RIN3: variants seen among roughly 807,000 people sequenced by gnomAD.
RIN3 encodes the protein RAB5 interacting protein 3.
A neutral mutation model predicts 76.3 loss-of-function variants in RIN3; 54 were observed. That is an observed-to-expected ratio of 0.71 (90% CI 0.57 to 0.89). RIN3 has a LOEUF of 0.89. Among genes scored for constraint, RIN3 ranks in the 40% least tolerant of loss-of-function variants. The probability of loss-of-function intolerance (pLI) is 0.00; values close to 1 mark genes in which losing one functional copy is unlikely to be tolerated. For missense variants in RIN3, 1,256 were observed against 1,322.1 expected (o/e 0.95, Z 0.78); for synonymous variants, 576 against 564.0 (o/e 1.02, Z -0.30).
rs769936500 is a variant in RIN3, at chr14:92,641,329, G to C, written c.532G>C (p.Gly178Arg). Reference sequence around the variant, plus strand: ...TGAGACCATCGCCAACCTGGGTCTGGGTGAGTCTTCTCCGAGGGGTTAGGG... The same window carrying C: ...TGAGACCATCGCCAACCTGGGTCTGCGTGAGTCTTCTCCGAGGGGTTAGGG... Reference protein sequence around the residue: ...DLETIANLGLGFWDSSLNPPQ... With the variant: ...DLETIANLGLRFWDSSLNPPQ... Residue 178 changes from glycine to arginine, a missense_variant and splice_region_variant, in exon 5 of 10, where the codon GGT (glycine) becomes CGT (arginine). Physicochemically the swap from Gly to Arg is moderately radical, Grantham distance 125. Coordinates refer to ENST00000216487, the MANE Select transcript of RIN3 (RefSeq NM_024832.5). The C allele has an allele frequency of 5.6e-6, 9 of 1,612,658 alleles. No homozygotes were observed. Among genetic ancestry groups the C allele is most frequent in the Non-Finnish European group, 7.6e-6 (9 of 1,178,646 alleles).
At chr14:92,669,369 TC>T (rs1319078610) in intron 7 of RIN3, among the ~76,000 whole-genome samples, 2 of 152,066 alleles carry the variant, frequency 1.3e-5, no homozygotes, top group Non-Finnish European at 2.9e-5. Flanking sequence ...GACTGGGTGG[TC>T]AGGGAAGGCC....
intron 6 of RIN3, among the ~76,000 whole-genome samples, chr14:92,654,090 G>C (rs1036213711): frequency 6.6e-6 from 1 of 152,072 alleles, no homozygotes; most frequent in East Asian, 1.9e-4. Context: ...GAGGTGGGGG[G>C]ATCACTTGAG....
At chr14:92,545,582 CTTTTT>C (rs11324822) in intron 1 of RIN3, among the ~76,000 whole-genome samples, 1 of 114,710 alleles carries the variant, frequency 8.7e-6, no homozygotes, top group Non-Finnish European at 1.8e-5. Flanking sequence ...TTTTCTTTTT[CTTTTT>C]TTTTTTTTTT....
chr14:92,604,601 C>T lies in RIN3; in HGVS notation c.368-10806C>T, dbSNP rs79113623. ...GGTGTCCAAGCCTTCCTTGTGTCCCCGATAACAATTTCCTCCTGGGGCAAT... is the reference window on the plus strand; with the variant it reads ...GGTGTCCAAGCCTTCCTTGTGTCCCTGATAACAATTTCCTCCTGGGGCAAT... On this transcript the variant is annotated intron_variant, in intron 3 of 9. Coordinates refer to ENST00000216487, the MANE Select transcript of RIN3 (RefSeq NM_024832.5). Among the ~76,000 whole-genome samples, 2,229 of 152,152 alleles carry T rather than the reference C, an allele frequency of 0.015. 155 individuals carry two copies. In the East Asian group the frequency reaches 0.19, roughly 13 times the overall value.
chr14:92,605,012 T>C (rs9671272), intron 3 of RIN3, among the ~76,000 whole-genome samples: 74,792 of 144,948 alleles, frequency 0.52, 19,741 homozygotes, highest in Admixed American at 0.63. Context: ...TAGGCTCAAA[T>C]GATCCTCCTG....
chr14:92,611,395 C>A (rs1012306730), intron 3 of RIN3, among the ~76,000 whole-genome samples: 7 of 152,264 alleles, frequency 4.6e-5, no homozygotes, highest in African/African-American at 1.7e-4. Context: ...CATGCCTCAG[C>A]CCCCCGAGGC....
At chr14:92,638,722 G>A (rs1241962453) in intron 4 of RIN3, among the ~76,000 whole-genome samples, 1 of 152,170 alleles carries the variant, frequency 6.6e-6, no homozygotes, top group Admixed American at 6.5e-5. Flanking sequence ...GCAGCACTGA[G>A]GGCCCATCCA....
chr14:92,518,423 G>T (rs1018922792), intron 1 of RIN3, among the ~76,000 whole-genome samples: 1 of 152,198 alleles, frequency 6.6e-6, no homozygotes, highest in Non-Finnish European at 1.5e-5. Flanking sequence ...AGATCACAGG[G>T]CGGGGCTAAG....
intron 2 of RIN3, among the ~76,000 whole-genome samples, chr14:92,561,657 A>G (rs1170568606): frequency 1.3e-5 from 2 of 152,180 alleles, no homozygotes; most frequent in Non-Finnish European, 2.9e-5. Flanking sequence ...ATTAGTATTA[A>G]CTAAAGCCCG....
chr14:92,666,209 A>G (rs1377930322), intron 7 of RIN3, among the ~76,000 whole-genome samples: 1 of 152,170 alleles, frequency 6.6e-6, no homozygotes, highest in Non-Finnish European at 1.5e-5. Context: ...TGATGCAGGC[A>G]ACAGTAGCTT....
chr14:92,545,222 G>A (rs1897233032), intron 1 of RIN3, among the ~76,000 whole-genome samples: 1 of 144,922 alleles, frequency 6.9e-6, no homozygotes, highest in Non-Finnish European at 1.5e-5. Context: ...CCATTCTCCT[G>A]CCTCAGCCTC....
intron 4 of RIN3, among the ~76,000 whole-genome samples, chr14:92,618,303 A>C (rs764729112): frequency 5.9e-5 from 9 of 152,172 alleles, no homozygotes; most frequent in Non-Finnish European, 1.3e-4. Flanking sequence ...TGGAGGCCTT[A>C]ATCTGTGAAC....
At chr14:92,609,300 C>G (rs917236659) in intron 3 of RIN3, among the ~76,000 whole-genome samples, 11 of 152,290 alleles carry the variant, frequency 7.2e-5, no homozygotes, top group Admixed American at 6.5e-5. Flanking sequence ...CTGACACAGC[C>G]TTGAGGGTGA....
Position 92,566,565 on chromosome 14 carries a change from C to T in RIN3, c.249+10610C>T, listed in dbSNP as rs28372628. Among the ~76,000 whole-genome samples the T allele has an allele frequency of 9.1e-3, 1,392 of 152,206 alleles. 25 individuals are homozygous for T. Among genetic ancestry groups the T allele is most frequent in the African/African-American group, 0.032 (1,331 of 41,512 alleles). On this transcript the variant is annotated intron_variant, in intron 2 of 9. Coordinates refer to ENST00000216487, the MANE Select transcript of RIN3 (RefSeq NM_024832.5). ...CATCTCCTGAGTCAGGGCACATTGC[C>T]GCCAGAGCCAGAATCAGGGTCTGTT...
intron 7 of RIN3, among the ~76,000 whole-genome samples, chr14:92,671,245 CA>C (rs1298868448): frequency 4.6e-5 from 7 of 151,818 alleles, no homozygotes; most frequent in African/African-American, 1.5e-4. Flanking sequence ...GGAGCCAGAG[CA>C]GGAACTGTCC....
intron 5 of RIN3, among the ~76,000 whole-genome samples, chr14:92,650,309 G>T (rs1438733357): frequency 6.6e-6 from 1 of 152,188 alleles, no homozygotes; most frequent in Non-Finnish European, 1.5e-5. Flanking sequence ...GGTGACACAG[G>T]GCGAGTGCTT....
Position 92,688,132 on chromosome 14 carries a change from C to T in RIN3, c.2838C>T (p.Tyr946=), listed in dbSNP as rs1184268678. 2.5e-6 allele frequency: 4 copies of T among 1,610,020 alleles called. No homozygotes were observed. The highest frequency in any genetic ancestry group is 2.5e-6 in the Non-Finnish European group (3 of 1,178,824). The change falls in exon 10 of 10, where the codon TAC becomes TAT. Residue 946 remains tyrosine (Y), a synonymous_variant. Transcript: ENST00000216487. ...DDALPHCIKG[Y]LLRSEPKRDF... ...CGCTGCCGCACTGCATCAAGGGCTA[C>T]CTGCTGCGCAGCGAGCCCAAGCGCG...
chr14:92,674,469 G>T (rs749632624), intron 7 of RIN3, among the ~76,000 whole-genome samples: 1 of 152,050 alleles, frequency 6.6e-6, no homozygotes, highest in Non-Finnish European at 1.5e-5. Context: ...TGAGTGTGGT[G>T]GTATGTGCCT....
At chr14:92,526,991 G>T (rs1356319823) in intron 1 of RIN3, among the ~76,000 whole-genome samples, 1 of 151,436 alleles carries the variant, frequency 6.6e-6, no homozygotes, top group Non-Finnish European at 1.5e-5. Context: ...TCCATTCTCG[G>T]ACTCCATTGT....
Sources: allele counts gnomAD v4.1 joint callset (sites outside exome capture counted in the v4.1 genomes callset), GRCh38; gene constraint gnomAD v4.1.1; transcripts MANE v1.5; gene names NCBI Gene and HGNC (gene_info 2026-07-23, HGNC 2026-07-21).